Variants in RNLS observed in about 807,000 individuals in gnomAD.
The protein encoded by RNLS is renalase, FAD dependent amine oxidase, also known as renalase.
A neutral mutation model predicts 39.8 loss-of-function variants in RNLS; 39 were observed. The ratio of observed to expected loss-of-function variants is 0.98; its 90% CI spans 0.76 to 1.28. The LOEUF (loss-of-function observed/expected upper bound fraction) is 1.28, where lower values mean the gene tolerates loss of function less well. RNLS is among the 50% of genes most tolerant of loss of function. RNLS has a pLI of 0.00. For synonymous variants in RNLS, 147 were observed against 150.7 expected, an observed-to-expected ratio of 0.98 and a Z score of 0.18; for missense variants, 410 against 413.3, an observed-to-expected ratio of 0.99 and a Z score of 0.07.
chr10:88,245,823 T>C, the RNLS span, among the ~76,000 whole-genome samples: 5 of 152,192 alleles, frequency 3.3e-5, no homozygotes, highest in African/African-American at 1.2e-4. Context: ...AATCACCCAT[T>C]GCAAAACCGA....
At chr10:88,191,287 G>A in the RNLS span, among the ~76,000 whole-genome samples, 1 of 152,302 alleles carries the variant, frequency 6.6e-6, no homozygotes, top group East Asian at 1.9e-4. Context: ...GAATTTTGGA[G>A]AAGTTAAGGA....
At chr10:88,493,674 T>G (rs1281474313) in intron 4 of RNLS, among the ~76,000 whole-genome samples, 1 of 152,130 alleles carries the variant, frequency 6.6e-6, no homozygotes, top group Non-Finnish European at 1.5e-5. Flanking sequence ...TTTTTTAAAT[T>G]GTAGGAGAAT....
chr10:88,239,205 G>A, the RNLS span, among the ~76,000 whole-genome samples: 1,827 of 152,248 alleles, frequency 0.012, 16 homozygotes, highest in Non-Finnish European at 0.018. Flanking sequence ...ACATGTCGAG[G>A]CCTGCTGTCC....
the RNLS span, among the ~76,000 whole-genome samples, chr10:88,177,896 T>C: frequency 6.6e-6 from 1 of 152,150 alleles, no homozygotes; most frequent in Non-Finnish European, 1.5e-5. Context: ...CATGGTTTTG[T>C]TGAGGATGTG....
At chr10:88,229,294 C>T in the RNLS span, among the ~76,000 whole-genome samples, 1 of 152,174 alleles carries the variant, frequency 6.6e-6, no homozygotes, top group Non-Finnish European at 1.5e-5. Flanking sequence ...CTCAGCTCTG[C>T]CTCGATGTGT....
At chr10:88,346,969 A>T (rs1355557949) in intron 5 of RNLS, among the ~76,000 whole-genome samples, 1 of 152,146 alleles carries the variant, frequency 6.6e-6, no homozygotes, top group Non-Finnish European at 1.5e-5. Flanking sequence ...AAAGTGGTGA[A>T]ATCTTTTCTG....
intron 1 of RNLS, 27 bp from the exon 2 acceptor site, chr10:88,582,334 T>C (rs369228746): frequency 6.4e-7 from 1 of 1,574,212 alleles, no homozygotes; most frequent in Non-Finnish European, 8.7e-7. Flanking sequence ...GGAAAATGTC[T>C]TACTGCATGA....
chr10:88,264,184 G>GTA, the RNLS span, among the ~76,000 whole-genome samples: 2 of 152,054 alleles, frequency 1.3e-5, no homozygotes, highest in African/African-American at 2.4e-5. Context: ...GTATTCCACA[G>GTA]TATATATATA....
At chr10:88,330,869 T>C (rs1421836471) in intron 5 of RNLS, among the ~76,000 whole-genome samples, 2 of 152,142 alleles carry the variant, frequency 1.3e-5, no homozygotes, top group East Asian at 1.9e-4. Flanking sequence ...TTTAAATACA[T>C]TATAAAGCTA....
chr10:88,582,686 T>A (rs1404050075), intron 1 of RNLS, among the ~76,000 whole-genome samples: 3 of 152,230 alleles, frequency 2.0e-5, no homozygotes, highest in African/African-American at 7.2e-5. Flanking sequence ...AGTCTCATAA[T>A]CTGCAGAAAG....
In RNLS at chr10:88,550,889, G is replaced by A. The variant is rs189339656; in HGVS notation, c.526+22014C>T. The stretch of plus-strand genomic sequence containing the variant: ...ATGGTCTCATTTTACAGAGGAGAAA[G>A]ATGAAGTCCAGATAGATTGGCATTT... On this transcript the variant is annotated intron_variant, in intron 4 of 6. Transcript: ENST00000331772. Among the ~76,000 whole-genome samples, 3 of 152,306 alleles carry A rather than the reference G, an allele frequency of 2.0e-5. No individual in the cohort carries two copies. In the East Asian group the frequency reaches 5.8e-4, roughly 29 times the overall value.
intron 4 of RNLS, among the ~76,000 whole-genome samples, chr10:88,470,347 G>A (rs781724411): frequency 6.6e-6 from 1 of 152,026 alleles, no homozygotes; most frequent in Non-Finnish European, 1.5e-5. Flanking sequence ...CAATAGTAAA[G>A]ACATGGAATC....
the RNLS span, among the ~76,000 whole-genome samples, chr10:88,237,126 T>C: frequency 6.6e-6 from 1 of 152,124 alleles, no homozygotes; most frequent in East Asian, 1.9e-4. Flanking sequence ...GGGTTGGTTT[T>C]TTTTTCTTTT....
chr10:88,203,396 GTATATATATATATATACACGTA>G, the RNLS span, among the ~76,000 whole-genome samples: 3 of 7,842 alleles, frequency 3.8e-4, 1 homozygote, highest in African/African-American at 2.9e-3. Flanking sequence ...ACACGTATGT[GTATATATATATATATACACGTA>G]TGTGTATATA....
chr10:88,355,630 G>C (rs891100471), intron 5 of RNLS, among the ~76,000 whole-genome samples: 1 of 152,172 alleles, frequency 6.6e-6, no homozygotes, highest in Non-Finnish European at 1.5e-5. Context: ...CTACTGAGGG[G>C]TGCCTCCGAG....
chr10:88,509,492 G>A (rs960042249), intron 4 of RNLS, among the ~76,000 whole-genome samples: 1 of 147,382 alleles, frequency 6.8e-6, no homozygotes, highest in African/African-American at 2.5e-5. Context: ...GAGGAGAGGA[G>A]GAGGGGGAGG....
chr10:88,502,466 T>C (rs1845558243), intron 4 of RNLS, among the ~76,000 whole-genome samples: 1 of 152,166 alleles, frequency 6.6e-6, no homozygotes, highest in Non-Finnish European at 1.5e-5. Context: ...AGTCTCTACA[T>C]GATCCCCTTG....
chr10:88,299,779 A>G (rs989853448), intron 6 of RNLS, among the ~76,000 whole-genome samples: 8 of 152,204 alleles, frequency 5.3e-5, no homozygotes, highest in African/African-American at 1.7e-4. Context: ...TTTGAATATA[A>G]AGTTGTGTCT....
chr10:88,253,243 T>A, the RNLS span, among the ~76,000 whole-genome samples: 1 of 152,174 alleles, frequency 6.6e-6, no homozygotes, highest in Admixed American at 6.5e-5. Context: ...GGGGTAGGAG[T>A]TAAGCTCTCA....
Sources: gnomAD v4.1 joint callset for allele counts (sites outside exome capture counted in the v4.1 genomes callset) on GRCh38, gnomAD v4.1.1 for gene constraint, MANE v1.5 for transcripts, NCBI Gene and HGNC (gene_info 2026-07-23, HGNC 2026-07-21) for gene names.